SLC35F3: variants seen among roughly 807,000 people sequenced by gnomAD.
SLC35F3 encodes the protein solute carrier family 35 member F3.
In SLC35F3, 25 loss-of-function variants were observed where a neutral mutation model predicts 49.9. The observed-to-expected ratio is 0.50, with a 90% CI of 0.37 to 0.70. The LOEUF is 0.70. SLC35F3 is among the 30% of genes least tolerant of loss of function. SLC35F3 has a pLI of 0.00. For missense variants in SLC35F3, 525 were observed against 639.8 expected, an observed-to-expected ratio of 0.82 and a Z score of 1.94; for synonymous variants, 275 against 265.4, an observed-to-expected ratio of 1.04 and a Z score of -0.35.
intron 2 of SLC35F3, among the ~76,000 whole-genome samples, chr1:234,205,057 A>C (rs1454365970): frequency 6.6e-6 from 1 of 152,250 alleles, no homozygotes; most frequent in African/African-American, 2.4e-5. Context: ...GTGAAAAACA[A>C]GGGAGAAAGA....
Position 234,199,120 on chromosome 1 carries a change from C to T in SLC35F3, c.284-32297C>T, listed in dbSNP as rs1184759998. ...GTGCATGCCTATAGTCCCAGCTACTCTGGAGGCTGAGATGGGAGGATTGCT... is the reference window on the plus strand; with the variant it reads ...GTGCATGCCTATAGTCCCAGCTACTTTGGAGGCTGAGATGGGAGGATTGCT... On this transcript the variant is annotated intron_variant, in intron 2 of 7. Transcript: ENST00000366618. 2.0e-5 allele frequency among the ~76,000 whole-genome samples: 3 copies of T among 151,742 alleles called. No homozygotes were observed. The East Asian group carries it at 5.8e-4, about 29-fold the overall frequency.
At chr1:233,919,108 T>A (rs976557613) in intron 2 of SLC35F3, among the ~76,000 whole-genome samples, 2 of 152,204 alleles carry the variant, frequency 1.3e-5, no homozygotes, top group Non-Finnish European at 1.5e-5. Context: ...ATAAAAAATG[T>A]CATTGCTTCA....
At chr1:234,212,156 C>T (rs1231939124) in intron 2 of SLC35F3, among the ~76,000 whole-genome samples, 1 of 152,200 alleles carries the variant, frequency 6.6e-6, no homozygotes, top group Non-Finnish European at 1.5e-5. Flanking sequence ...AATATAAGTC[C>T]ATTAAACCTC....
At chr1:233,970,083 T>C (rs1558192994) in intron 2 of SLC35F3, among the ~76,000 whole-genome samples, 2 of 152,128 alleles carry the variant, frequency 1.3e-5, no homozygotes, top group Admixed American at 6.5e-5. Context: ...AGGGTCCTGT[T>C]TGAAAATAAA....
chr1:234,017,309 A>G (rs1663817613), intron 2 of SLC35F3, among the ~76,000 whole-genome samples: 1 of 152,180 alleles, frequency 6.6e-6, no homozygotes, highest in African/African-American at 2.4e-5. Context: ...GAATTAAGGA[A>G]TACTGAAGCA....
chr1:234,078,669 C>T (rs1664832593), intron 2 of SLC35F3, among the ~76,000 whole-genome samples: 1 of 152,164 alleles, frequency 6.6e-6, no homozygotes, highest in African/African-American at 2.4e-5. Flanking sequence ...GGACTCTAAG[C>T]CCTTTTGTGC....
At chr1:233,968,854 T>A (rs1165680683) in intron 2 of SLC35F3, among the ~76,000 whole-genome samples, 1 of 152,188 alleles carries the variant, frequency 6.6e-6, no homozygotes, top group Non-Finnish European at 1.5e-5. Context: ...TTTCTATTAT[T>A]CCTGTCTTTA....
chr1:233,990,517 C>T (rs143501502), intron 2 of SLC35F3, among the ~76,000 whole-genome samples: 1 of 152,124 alleles, frequency 6.6e-6, no homozygotes, highest in Non-Finnish European at 1.5e-5. Flanking sequence ...GTTGTAAAAT[C>T]AGTAACTTCT....
At chr1:234,299,822 AAAG>A (rs1430180908) in intron 3 of SLC35F3, among the ~76,000 whole-genome samples, 42 of 151,016 alleles carry the variant, frequency 2.8e-4, no homozygotes, top group African/African-American at 1.0e-3. Context: ...AAAAAAAAAA[AAAG>A]AGAAGAAAAA....
chr1:234,036,336 G>T (rs1484162502), intron 2 of SLC35F3, among the ~76,000 whole-genome samples: 1 of 152,214 alleles, frequency 6.6e-6, no homozygotes, highest in African/African-American at 2.4e-5. Flanking sequence ...AAGTCACTGA[G>T]ATTACAGGCA....
intron 2 of SLC35F3, among the ~76,000 whole-genome samples, chr1:234,064,995 G>A (rs535791922): frequency 6.6e-6 from 1 of 152,272 alleles, no homozygotes; most frequent in South Asian, 2.1e-4. Context: ...GTTGCCTTAA[G>A]TAACCTGGTT....
chr1:234,023,467 C>T (rs1449212160), intron 2 of SLC35F3, among the ~76,000 whole-genome samples: 3 of 152,066 alleles, frequency 2.0e-5, no homozygotes, highest in Non-Finnish European at 4.4e-5. Flanking sequence ...AATAAATATG[C>T]ATGAGTACAT....
chr1:234,151,435 A>G lies in SLC35F3; in HGVS notation c.284-79982A>G, dbSNP rs1203907450. On this transcript the variant is annotated intron_variant, in intron 2 of 7. Coordinates refer to ENST00000366618, the MANE Select transcript of SLC35F3 (RefSeq NM_173508.4). ...AAGGAACCCAAGGGGCAGAATAAAA[A>G]CTCTACACAATGAAAGTGTGACGGA... 4.6e-5 allele frequency among the ~76,000 whole-genome samples: 7 copies of G among 152,068 alleles called. No homozygotes were observed. The South Asian group carries it at 1.2e-3, about 27-fold the overall frequency.
At chr1:234,208,834 A>G (rs1667011203) in intron 2 of SLC35F3, among the ~76,000 whole-genome samples, 1 of 152,160 alleles carries the variant, frequency 6.6e-6, no homozygotes, top group Non-Finnish European at 1.5e-5. Context: ...TTAAATACCC[A>G]TCCAATTCCC....
intron 2 of SLC35F3, among the ~76,000 whole-genome samples, chr1:234,128,944 A>G (rs775278513): frequency 6.6e-6 from 1 of 152,212 alleles, no homozygotes. Flanking sequence ...TGAAAAATCA[A>G]TTAAATTGTC....
At chr1:234,101,816 A>G (rs1206306693) in intron 2 of SLC35F3, among the ~76,000 whole-genome samples, 1 of 152,230 alleles carries the variant, frequency 6.6e-6, no homozygotes, top group Non-Finnish European at 1.5e-5. Flanking sequence ...GCTAGGAGAG[A>G]AGATAAATCA....
chr1:234,216,325 T>C (rs1219309740), intron 2 of SLC35F3, among the ~76,000 whole-genome samples: 1 of 152,166 alleles, frequency 6.6e-6, no homozygotes, highest in Non-Finnish European at 1.5e-5. Context: ...CAGCCCACCT[T>C]AGGCAGGACA....
At chr1:234,219,288 C>T (rs1667167543) in intron 2 of SLC35F3, among the ~76,000 whole-genome samples, 1 of 152,104 alleles carries the variant, frequency 6.6e-6, no homozygotes, top group Non-Finnish European at 1.5e-5. Context: ...TATAAAGACC[C>T]AGGATGCTGG....
chr1:234,031,062 T>TTTC (rs1664055011), intron 2 of SLC35F3, among the ~76,000 whole-genome samples: 2 of 152,186 alleles, frequency 1.3e-5, no homozygotes, highest in Admixed American at 1.3e-4. Flanking sequence ...AGCCAAGACT[T>TTTC]ATAGAAGAGT....
Sources: allele counts gnomAD v4.1 joint callset (sites outside exome capture counted in the v4.1 genomes callset), GRCh38; gene constraint gnomAD v4.1.1; transcripts MANE v1.5; gene names NCBI Gene and HGNC (gene_info 2026-07-23, HGNC 2026-07-21).